The following AFF2 variants were observed in gnomAD, a reference collection of about 807,000 sequenced individuals.
AFF2 encodes the protein AF4/FMR2 family member 2.
Under a neutral mutation model 76.9 loss-of-function variants are expected in AFF2, and 14 were observed. That is an observed-to-expected ratio of 0.18 (90% CI 0.12 to 0.28). The LOEUF (loss-of-function observed/expected upper bound fraction) is 0.28, where lower values mean the gene tolerates loss of function less well. Among genes scored for constraint, AFF2 ranks in the 10% least tolerant of loss-of-function variants. The probability of loss-of-function intolerance (pLI) is 1.00; values close to 1 mark genes in which losing one functional copy is unlikely to be tolerated. For synonymous variants in AFF2, 398 were observed against 366.7 expected, an observed-to-expected ratio of 1.09 and a Z score of -0.98; for missense variants, 868 against 1,001.1, an observed-to-expected ratio of 0.87 and a Z score of 1.79.
chrX:148,962,927 T>C lies in AFF2; in HGVS notation c.2903T>C (p.Ile968Thr), dbSNP rs782123832. Reference protein sequence around the residue: ...EGKFCATFKGISVNEGDTPKK... With the variant: ...EGKFCATFKGTSVNEGDTPKK... Reference sequence around the variant, plus strand: ...AAATTCTGTGCTACTTTCAAAGGGATATCGGTAAATGTAAGCATCTTGGAA... The same window carrying C: ...AAATTCTGTGCTACTTTCAAAGGGACATCGGTAAATGTAAGCATCTTGGAA... Residue 968 changes from isoleucine (I) to threonine (T), a missense_variant, in exon 13 of 21, where the codon ATA (isoleucine) becomes ACA (threonine). By Grantham distance (89) the Ile-to-Thr change is moderately conservative (BLOSUM62 -1). This residue lies in a region of AFF2 where 532 missense variants were observed against 564.2 expected (regional missense o/e 0.94). Coordinates refer to ENST00000370460, the MANE Select transcript of AFF2 (RefSeq NM_002025.4). 4 of 1,169,033 alleles carry C rather than the reference T, an allele frequency of 3.4e-6. No homozygotes were observed. In the African/African-American group the frequency reaches 5.3e-5, roughly 15 times the overall value.
intron 3 of AFF2, among the ~76,000 whole-genome samples, chrX:148,766,520 T>C (rs2069519672): frequency 9.4e-6 from 1 of 106,091 alleles, no homozygotes; most frequent in African/African-American, 3.4e-5. Flanking sequence ...GAAGTGTCTG[T>C]TCATGTCCTT....
At chrX:148,897,556 T>C (rs2071308794) in intron 8 of AFF2, among the ~76,000 whole-genome samples, 1 of 107,673 alleles carries the variant, frequency 9.3e-6, no homozygotes, top group African/African-American at 3.4e-5. Context: ...GGAAGCCTTA[T>C]CACACTAGCA....
intron 9 of AFF2, among the ~76,000 whole-genome samples, chrX:148,924,351 T>G (rs1295433084): frequency 8.9e-6 from 1 of 111,917 alleles, no homozygotes; most frequent in Admixed American, 9.5e-5. Flanking sequence ...GGTGTGCATG[T>G]GTGTGGGGGT....
intron 1 of AFF2, among the ~76,000 whole-genome samples, chrX:148,535,699 T>G (rs1557236482): frequency 8.9e-6 from 1 of 112,171 alleles, no homozygotes; most frequent in African/African-American, 3.2e-5. Context: ...CCTACTCACT[T>G]TCCCCATGGC....
intron 11 of AFF2, among the ~76,000 whole-genome samples, chrX:148,956,896 G>A (rs1035056903): frequency 2.7e-5 from 3 of 113,086 alleles, no homozygotes; most frequent in Non-Finnish European, 3.7e-5. Flanking sequence ...GGCAAGGCAC[G>A]CAAGTGCCCT....
At chrX:148,868,082 C>T (rs1373695822) in intron 7 of AFF2, among the ~76,000 whole-genome samples, 1 of 111,364 alleles carries the variant, frequency 9.0e-6, no homozygotes, top group Admixed American at 9.5e-5. Context: ...GAAGAGGGTA[C>T]AGTCAGTCCC....
At chrX:148,673,483 T>C (rs1223811628) in intron 3 of AFF2, among the ~76,000 whole-genome samples, 1 of 111,945 alleles carries the variant, frequency 8.9e-6, no homozygotes, top group African/African-American at 3.3e-5. Context: ...TGTCTCTCTG[T>C]GTCCTCTTCT....
chrX:148,843,246 C>CTT, intron 6 of AFF2, 136 bp from the exon 7 acceptor site: 1 of 534,934 alleles, frequency 1.9e-6, no homozygotes, highest in Non-Finnish European at 2.9e-6. Context: ...TGGTTCCCCC[C>CTT]CTTTTTTTTT....
At chrX:148,929,598 G>A (rs1057356147) in intron 9 of AFF2, among the ~76,000 whole-genome samples, 5 of 111,792 alleles carry the variant, frequency 4.5e-5, no homozygotes, top group Admixed American at 2.9e-4. Context: ...GAGACCAGAC[G>A]AAAATGTCTA....
chrX:148,795,872 T>TATATATATATATAC (rs58337451), intron 3 of AFF2, among the ~76,000 whole-genome samples: 6 of 33,684 alleles, frequency 1.8e-4, no homozygotes, highest in Non-Finnish European at 3.0e-4. Flanking sequence ...TATATATATA[T>TATATATATATATAC]ACACACCTAA....
Position 148,665,326 on chromosome X carries a change from C to A in AFF2, c.1041+2558C>A, listed in dbSNP as rs187317376. Among the ~76,000 whole-genome samples the A allele has an allele frequency of 4.9e-3, 555 of 112,196 alleles. 4 individuals carry two copies. Among genetic ancestry groups the A allele is most frequent in the African/African-American group, 0.018 (546 of 30,883 alleles). On this transcript the variant is annotated intron_variant, in intron 3 of 20. Coordinates refer to ENST00000370460, the MANE Select transcript of AFF2 (RefSeq NM_002025.4). ...GCTCTGGAGACGATTATCCCAGGAG[C>A]AGCCTATGTGCTTGCAGCCTTTGGT...
intron 3 of AFF2, among the ~76,000 whole-genome samples, chrX:148,765,337 G>A (rs1206285986): frequency 1.8e-5 from 2 of 111,845 alleles, no homozygotes; most frequent in African/African-American, 3.3e-5. Context: ...GCTCTTGGGA[G>A]CAATTTCATT....
At chrX:148,833,827 G>T (rs2070486420) in intron 4 of AFF2, among the ~76,000 whole-genome samples, 1 of 111,399 alleles carries the variant, frequency 9.0e-6, no homozygotes, top group Admixed American at 9.5e-5. Flanking sequence ...ATACAAAGGT[G>T]AATAAGGTGA....
At chrX:148,588,265 A>C (rs1603251570) in intron 1 of AFF2, among the ~76,000 whole-genome samples, 1 of 112,935 alleles carries the variant, frequency 8.9e-6, no homozygotes, top group Non-Finnish European at 1.9e-5. Flanking sequence ...GGGTCTGTCA[A>C]AGTTACTCCT....
At chrX:148,765,120 G>A (rs370509616) in intron 3 of AFF2, among the ~76,000 whole-genome samples, 20 of 111,827 alleles carry the variant, frequency 1.8e-4, no homozygotes, top group Middle Eastern at 4.6e-3. Flanking sequence ...TCCTGGGCCC[G>A]AGCGATCCTC....
At chrX:148,958,706 A>G (rs1557287680) in intron 12 of AFF2, among the ~76,000 whole-genome samples, 1 of 111,583 alleles carries the variant, frequency 9.0e-6, no homozygotes, top group African/African-American at 3.3e-5. Flanking sequence ...ACTCTAATTC[A>G]GATTTATCAC....
chrX:148,968,835 G>T (rs2072213495), intron 15 of AFF2, among the ~76,000 whole-genome samples: 1 of 112,240 alleles, frequency 8.9e-6, no homozygotes, highest in South Asian at 3.7e-4. Flanking sequence ...CATTGGAGAT[G>T]CCAGGACAAC....
At chrX:148,908,799 CAT>C (rs1344947498) in intron 9 of AFF2, among the ~76,000 whole-genome samples, 5 of 112,154 alleles carry the variant, frequency 4.5e-5, no homozygotes, top group East Asian at 2.8e-4. Flanking sequence ...CATTTCTTGA[CAT>C]GTGAAAATTA....
chrX:148,937,885 A>T (rs1190752671), intron 9 of AFF2, among the ~76,000 whole-genome samples: 1 of 112,590 alleles, frequency 8.9e-6, no homozygotes, highest in Non-Finnish European at 1.9e-5. Context: ...TGTATGAAAA[A>T]GTCTGGCATT....
Sources: gnomAD v4.1 joint callset for allele counts (sites outside exome capture counted in the v4.1 genomes callset) on GRCh38, gnomAD v4.1.1 for gene constraint, gnomAD v4.1.1 regional missense constraint, MANE v1.5 for transcripts, NCBI Gene and HGNC (gene_info 2026-07-23, HGNC 2026-07-21) for gene names.